Variants in ARHGAP32 observed in about 807,000 individuals in gnomAD.
The protein encoded by ARHGAP32 is Rho GTPase activating protein 32.
Under a neutral mutation model 186.5 loss-of-function variants are expected in ARHGAP32, and 51 were observed. The ratio of observed to expected loss-of-function variants is 0.27; its 90% CI spans 0.22 to 0.35. The LOEUF is 0.35. ARHGAP32 is among the 10% of genes least tolerant of loss of function. ARHGAP32 has a pLI of 1.00. For synonymous variants in ARHGAP32, 950 were observed against 964.3 expected, an observed-to-expected ratio of 0.99 and a Z score of 0.27; for missense variants, 2,186 against 2,623.5, an observed-to-expected ratio of 0.83 and a Z score of 3.64.
intron 1 of ARHGAP32, among the ~76,000 whole-genome samples, chr11:129,263,759 A>T (rs1237022668): frequency 6.6e-6 from 1 of 152,122 alleles, no homozygotes; most frequent in Non-Finnish European, 1.5e-5. Context: ...GGATGTGAAG[A>T]AACTGGAACC....
intron 11 of ARHGAP32, among the ~76,000 whole-genome samples, chr11:129,022,330 G>C (rs1236706703): frequency 6.6e-6 from 1 of 152,110 alleles, no homozygotes; most frequent in Non-Finnish European, 1.5e-5. Context: ...GAAGTTTGGT[G>C]TGGAACTTTG....
At chr11:129,105,169 T>C (rs544250211) in intron 5 of ARHGAP32, among the ~76,000 whole-genome samples, 1 of 152,316 alleles carries the variant, frequency 6.6e-6, no homozygotes, top group Admixed American at 6.5e-5. Context: ...AAAAAAATTA[T>C]ATTTGAGACA....
At chr11:129,077,796 G>T (rs1327120444) in intron 6 of ARHGAP32, among the ~76,000 whole-genome samples, 1 of 152,102 alleles carries the variant, frequency 6.6e-6, no homozygotes, top group African/African-American at 2.4e-5. Flanking sequence ...GGAGACCTTA[G>T]CCAAGCTTGT....
chr11:129,140,913 C>T (rs904046354), intron 2 of ARHGAP32, among the ~76,000 whole-genome samples: 2 of 152,154 alleles, frequency 1.3e-5, no homozygotes, highest in Non-Finnish European at 2.9e-5. Flanking sequence ...TCCATGGCAA[C>T]GTTTTTTAAT....
intron 1 of ARHGAP32, among the ~76,000 whole-genome samples, chr11:129,219,135 T>G (rs1158728401): frequency 6.6e-6 from 1 of 152,192 alleles, no homozygotes; most frequent in African/African-American, 2.4e-5. Context: ...CAGATTATGA[T>G]CTTGAGAACC....
chr11:129,055,285 A>C (rs762978755), intron 10 of ARHGAP32, among the ~76,000 whole-genome samples: 2 of 152,180 alleles, frequency 1.3e-5, no homozygotes, highest in African/African-American at 4.8e-5. Flanking sequence ...GCAATTATCA[A>C]ATGTTGGTGA....
At chr11:129,217,611 G>A (rs953688208) in intron 1 of ARHGAP32, among the ~76,000 whole-genome samples, 2 of 152,132 alleles carry the variant, frequency 1.3e-5, no homozygotes, top group African/African-American at 2.4e-5. Flanking sequence ...TGCCTGAGAT[G>A]TCTTTATACC....
chr11:129,245,431 A>T (rs1204705833), intron 1 of ARHGAP32, among the ~76,000 whole-genome samples: 1 of 146,866 alleles, frequency 6.8e-6, no homozygotes, highest in Non-Finnish European at 1.5e-5. Flanking sequence ...GGGGACTATC[A>T]CACTCTGGGG....
chr11:129,092,124 C>T (rs1941593940), intron 6 of ARHGAP32, among the ~76,000 whole-genome samples: 1 of 151,902 alleles, frequency 6.6e-6, no homozygotes, highest in African/African-American at 2.4e-5. Context: ...ATCTAGGTCA[C>T]TAATACTGTA....
intron 2 of ARHGAP32, among the ~76,000 whole-genome samples, chr11:129,158,490 A>G (rs1444859214): frequency 6.6e-6 from 1 of 151,946 alleles, no homozygotes; most frequent in Non-Finnish European, 1.5e-5. Flanking sequence ...TAAAGGGATC[A>G]ATGTAACAAG....
At chr11:129,041,072 C>A (rs1208957299) in intron 10 of ARHGAP32, 63 bp from the exon 11 acceptor site, 4 of 1,088,294 alleles carry the variant, frequency 3.7e-6, no homozygotes, top group Admixed American at 2.0e-5. Flanking sequence ...GTGAACACTG[C>A]CAACTGAATT....
intron 18 of ARHGAP32, among the ~76,000 whole-genome samples, chr11:128,979,215 G>T (rs764978832): frequency 2.0e-5 from 3 of 152,100 alleles, no homozygotes; most frequent in African/African-American, 4.8e-5. Flanking sequence ...AGACGTATCT[G>T]GGAATAGGAA....
At chr11:129,179,192 A>G (rs1314887742) in intron 1 of ARHGAP32, among the ~76,000 whole-genome samples, 1 of 152,182 alleles carries the variant, frequency 6.6e-6, no homozygotes, top group Non-Finnish European at 1.5e-5. Context: ...CATATGAAAA[A>G]ATGCTCATCA....
intron 12 of ARHGAP32, among the ~76,000 whole-genome samples, chr11:128,990,195 A>G (rs2134682269): frequency 6.6e-6 from 1 of 152,316 alleles, no homozygotes. Context: ...AAATCCAGGT[A>G]AACTATCACT....
chr11:129,174,629 T>G (rs926942243), intron 1 of ARHGAP32, among the ~76,000 whole-genome samples: 2 of 152,176 alleles, frequency 1.3e-5, no homozygotes, highest in Non-Finnish European at 2.9e-5. Context: ...AGTGGGTCCC[T>G]GACCCCTGAC....
In ARHGAP32 at chr11:128,966,456, G is replaced by C. The variant is rs1945223576; in HGVS notation, c.*2451C>G. On this transcript the variant is annotated 3_prime_UTR_variant, in exon 23 of 23. Coordinates refer to ENST00000682385, the MANE Select transcript of ARHGAP32 (RefSeq NM_001378024.1). ...AATAACTGAATCCAAAGTTAAGGCT[G>C]TTGCTAGCATGCATTAAATGAAGCA... 6.6e-6 allele frequency: 1 copy of C among 152,142 alleles called. No individual in the cohort carries two copies. The highest frequency in any genetic ancestry group is 6.5e-5 in the Admixed American group (1 of 15,270). The allele number at this position is 152,142 out of a possible 1,614,324, so 9.4% of individuals were successfully genotyped here.
At chr11:129,047,419 C>T (rs1446905295) in intron 10 of ARHGAP32, among the ~76,000 whole-genome samples, 1 of 152,108 alleles carries the variant, frequency 6.6e-6, no homozygotes, top group African/African-American at 2.4e-5. Flanking sequence ...TTCACATTTC[C>T]CCCCAAGGTA....
intron 12 of ARHGAP32, among the ~76,000 whole-genome samples, chr11:128,994,407 G>A (rs1001129033): frequency 3.4e-4 from 52 of 151,718 alleles, no homozygotes; most frequent in Admixed American, 3.3e-3. Context: ...CACCTGTCTC[G>A]GCCTCCCAAA....
chr11:129,194,184 T>G (rs917291753), upstream of ARHGAP32, among the ~76,000 whole-genome samples: 1 of 152,078 alleles, frequency 6.6e-6, no homozygotes. Flanking sequence ...TCAGGGCAAT[T>G]TAGCAAAATC....
Sources: allele counts gnomAD v4.1 joint callset (sites outside exome capture counted in the v4.1 genomes callset), GRCh38; gene constraint gnomAD v4.1.1; transcripts MANE v1.5; gene names NCBI Gene and HGNC (gene_info 2026-07-23, HGNC 2026-07-21).